DAB1: variants seen among roughly 807,000 people sequenced by gnomAD.
DAB1 encodes disabled homolog 1.
In DAB1, 15 loss-of-function variants were observed where a neutral mutation model predicts 64.6. The ratio of observed to expected loss-of-function variants is 0.23; its 90% confidence interval spans 0.16 to 0.36. The LOEUF (loss-of-function observed/expected upper bound fraction) is 0.36, where lower values mean the gene tolerates loss of function less well. DAB1 is among the 10% of genes least tolerant of loss of function. The pLI, the probability that DAB1 is intolerant of heterozygous loss-of-function variation, is 1.00. For missense variants in DAB1, 596 were observed against 706.7 expected, an observed-to-expected ratio of 0.84 and a Z score of 1.78; for synonymous variants, 235 against 251.9, an observed-to-expected ratio of 0.93 and a Z score of 0.64.
chr1:58,054,599 C>T (rs1647930001), intron 5 of DAB1, among the ~76,000 whole-genome samples: 3 of 152,236 alleles, frequency 2.0e-5, no homozygotes, highest in Admixed American at 2.0e-4. Flanking sequence ...AGCTCATTGG[C>T]TGTTGGGACA....
chr1:57,097,322 TG>T (rs1389411378), intron 4 of DAB1, among the ~76,000 whole-genome samples: 2 of 152,198 alleles, frequency 1.3e-5, no homozygotes, highest in African/African-American at 4.8e-5. Context: ...AGGTACCATC[TG>T]GGCTGGCAGG....
At chr1:57,487,180 G>A (rs2101261975) in intron 7 of DAB1, among the ~76,000 whole-genome samples, 1 of 152,276 alleles carries the variant, frequency 6.6e-6, no homozygotes. Context: ...GAGGTGGAAA[G>A]AACACAGGTA....
intron 4 of DAB1, among the ~76,000 whole-genome samples, chr1:58,165,974 T>C (rs112340552): frequency 6.6e-6 from 1 of 152,160 alleles, no homozygotes; most frequent in African/African-American, 2.4e-5. Context: ...TTAGAGAGAC[T>C]AAGTAATGTT....
rs563204166 is a variant in DAB1, at chr1:57,379,410, C to T, written c.-137+44520G>A. ...CCTTTCAGTAGACTAAAGCATGAAC[C>T]ACCATATCTAAGGAAGTTACAAAGT... On this transcript the variant is annotated intron_variant, in intron 1 of 14. Coordinates refer to ENST00000371236, the MANE Select transcript of DAB1 (RefSeq NM_001365792.1). Among the ~76,000 whole-genome samples, 8 of 152,214 alleles carry T rather than the reference C, an allele frequency of 5.3e-5. No homozygotes were observed. In the South Asian group the frequency reaches 1.7e-3, roughly 32 times the overall value.
chr1:57,467,961 G>C (rs947636099), intron 7 of DAB1, among the ~76,000 whole-genome samples: 17 of 152,134 alleles, frequency 1.1e-4, no homozygotes, highest in Admixed American at 1.1e-3. Flanking sequence ...TCAGAACATA[G>C]AGAGAACTGT....
At chr1:58,179,693 A>AT (rs372793183) in intron 4 of DAB1, among the ~76,000 whole-genome samples, 3 of 151,772 alleles carry the variant, frequency 2.0e-5, no homozygotes, top group African/African-American at 7.3e-5. Flanking sequence ...TTTCATTCCA[A>AT]TTTTTTTCAT....
In DAB1 at chr1:57,962,436, C is replaced by T. The variant is rs150814201; in HGVS notation, n.388-78274G>A. Among the ~76,000 whole-genome samples the T allele has an allele frequency of 1.8e-3, 272 of 152,192 alleles. 1 individual carries two copies. Among genetic ancestry groups the T allele is most frequent in the African/African-American group, 6.2e-3 (259 of 41,540 alleles). On this transcript the variant is annotated intron_variant and non_coding_transcript_variant, in intron 5 of 20. Coordinates refer to the DAB1 transcript ENST00000485760. Reference sequence around the variant, plus strand: ...GCTTCATCAACTAGGTACTGACATCCTCCTTCCTATGATCATCTCACCACT... The same window carrying T: ...GCTTCATCAACTAGGTACTGACATCTTCCTTCCTATGATCATCTCACCACT...
chr1:57,592,751 T>C (rs1645459899), intron 7 of DAB1, among the ~76,000 whole-genome samples: 1 of 152,204 alleles, frequency 6.6e-6, no homozygotes, highest in Non-Finnish European at 1.5e-5. Flanking sequence ...TTCTCACAGT[T>C]GCAGAAGCTG....
intron 9 of DAB1, among the ~76,000 whole-genome samples, chr1:57,044,622 G>C (rs1374914968): frequency 6.6e-6 from 1 of 152,172 alleles, no homozygotes; most frequent in African/African-American, 2.4e-5. Flanking sequence ...TCTTACCATA[G>C]ATACCAAAAG....
At chr1:57,636,106 A>C (rs1196259957) in intron 7 of DAB1, among the ~76,000 whole-genome samples, 1 of 149,828 alleles carries the variant, frequency 6.7e-6, no homozygotes, top group Non-Finnish European at 1.5e-5. Flanking sequence ...CAAAAAAAAA[A>C]AAAAAAACAA....
intron 6 of DAB1, among the ~76,000 whole-genome samples, chr1:57,781,026 C>A (rs936611077): frequency 6.7e-6 from 1 of 148,490 alleles, no homozygotes; most frequent in Non-Finnish European, 1.5e-5. Context: ...CCGCCCCTGG[C>A]GTTTTGTATT....
chr1:58,536,438 T>C (rs974856624), intron 1 of DAB1: 3 of 713,006 alleles, frequency 4.2e-6, no homozygotes, highest in Non-Finnish European at 7.4e-6. Context: ...ACAACATATC[T>C]TTCACATTTA....
chr1:57,014,527 T>C (rs964924224), intron 12 of DAB1, among the ~76,000 whole-genome samples: 1 of 152,220 alleles, frequency 6.6e-6, no homozygotes, highest in Admixed American at 6.5e-5. Context: ...AAACAAAATC[T>C]TAAGAGGCAG....
chr1:57,259,549 G>T (rs1185039999), intron 2 of DAB1, among the ~76,000 whole-genome samples: 1 of 152,126 alleles, frequency 6.6e-6, no homozygotes, highest in Non-Finnish European at 1.5e-5. Flanking sequence ...GAGGGGCAGC[G>T]CAGGTTCCAG....
At chr1:57,703,811 T>G (rs1032405797) in intron 6 of DAB1, among the ~76,000 whole-genome samples, 2 of 152,016 alleles carry the variant, frequency 1.3e-5, no homozygotes, top group Non-Finnish European at 2.9e-5. Context: ...ATAGACTGGA[T>G]AAAGAAAATG....
chr1:58,532,172 C>T (rs909977929), intron 1 of DAB1, among the ~76,000 whole-genome samples: 4 of 152,076 alleles, frequency 2.6e-5, no homozygotes, highest in African/African-American at 4.8e-5. Flanking sequence ...AAAACATAAA[C>T]GCCTAGATAA....
intron 5 of DAB1, among the ~76,000 whole-genome samples, chr1:58,103,306 T>C (rs753568479): frequency 7.9e-5 from 12 of 152,110 alleles, no homozygotes; most frequent in Non-Finnish European, 1.6e-4. Flanking sequence ...ATCCCAGTGA[T>C]TATCTAGTAC....
intron 5 of DAB1, among the ~76,000 whole-genome samples, chr1:57,901,899 T>C (rs899220541): frequency 2.0e-5 from 3 of 152,054 alleles, no homozygotes; most frequent in African/African-American, 7.2e-5. Flanking sequence ...CTTGGTCTTA[T>C]AGGATCAGCT....
rs569184582 is a variant in DAB1 at position 57,278,325 on chromosome 1, C to T, written c.67+12639G>A. Among the ~76,000 whole-genome samples the T allele has an allele frequency of 1.9e-3, 285 of 152,328 alleles. 1 individual carries two copies. The highest frequency in any genetic ancestry group is 6.6e-3 in the African/African-American group (275 of 41,568). On this transcript the variant is annotated intron_variant, in intron 2 of 14. Coordinates refer to ENST00000371236, the MANE Select transcript of DAB1 (RefSeq NM_001365792.1). ...AAAAGTTATTGTATTCCCTCCCTGG[C>T]ATTTAGTAGTCACATCATTAATATC...
Sources: gnomAD v4.1 joint callset for allele counts (sites outside exome capture counted in the v4.1 genomes callset) on GRCh38, gnomAD v4.1.1 for gene constraint, MANE v1.5 for transcripts, NCBI Gene and HGNC (gene_info 2026-07-23, HGNC 2026-07-21) for gene names.